Variants in RNF216 observed in about 807,000 individuals in gnomAD.
RNF216 encodes ring finger protein 216.
Under a neutral mutation model 110.8 loss-of-function variants are expected in RNF216, and 72 were observed. That is an observed-to-expected ratio of 0.65 (90% confidence interval 0.54 to 0.79). The LOEUF (loss-of-function observed/expected upper bound fraction) is 0.79. Among genes scored for constraint, RNF216 ranks in the 30% least tolerant of loss-of-function variants. The pLI is 0.00. For synonymous variants in RNF216, 495 were observed against 407.5 expected (o/e 1.21, Z -2.59); for missense variants, 1,342 against 1,141.2 (o/e 1.18, Z -2.54).
rs990844528 is a variant in RNF216, at chr7:5,622,655, T to G, written c.*205A>C. The G allele has an allele frequency of 4.3e-5, 25 of 577,908 alleles. No individual in the cohort carries two copies. The highest frequency in any genetic ancestry group is 2.8e-4 in the African/African-American group (15 of 53,880). The allele number at this position is 577,908 out of a possible 1,614,324, so 35.8% of individuals were successfully genotyped here. A position where few individuals can be genotyped will look rare whatever the true frequency, so the allele number is the denominator to read the frequency against. ...GTTCACATCGCAGCTCTCTCCGAACTCCACCATTTGGGACGTCTTTATTAT... is the reference window on the plus strand; with the variant it reads ...GTTCACATCGCAGCTCTCTCCGAACGCCACCATTTGGGACGTCTTTATTAT... On this transcript the variant is annotated 3_prime_UTR_variant, in exon 17 of 17. Transcript: ENST00000389902.
At chr7:5,713,890 G>A (rs571852509) in intron 11 of RNF216, among the ~76,000 whole-genome samples, 2 of 152,322 alleles carry the variant, frequency 1.3e-5, no homozygotes, top group African/African-American at 4.8e-5. Flanking sequence ...AAGAAACAGT[G>A]GCTTAAGGAA....
chr7:5,659,274 G>C (rs1160352556), intron 13 of RNF216, among the ~76,000 whole-genome samples: 1 of 152,184 alleles, frequency 6.6e-6, no homozygotes, highest in Non-Finnish European at 1.5e-5. Flanking sequence ...GTTAGGCTCA[G>C]TTTCTATCTT....
intron 13 of RNF216, among the ~76,000 whole-genome samples, chr7:5,703,226 C>A (rs897810038): frequency 1.3e-5 from 2 of 152,214 alleles, no homozygotes; most frequent in Non-Finnish European, 2.9e-5. Context: ...CTATTTGGTT[C>A]TTGTCAACGC....
At chr7:5,707,260 T>C (rs889601835) in intron 13 of RNF216, among the ~76,000 whole-genome samples, 22 of 152,254 alleles carry the variant, frequency 1.4e-4, no homozygotes, top group Non-Finnish European at 2.8e-4. Context: ...TGGTTCCATA[T>C]GCATTTTAGG....
intron 1 of RNF216, chr7:5,777,434 G>A (rs1796844781): frequency 6.6e-6 from 1 of 152,228 alleles, no homozygotes; most frequent in African/African-American, 2.4e-5. Flanking sequence ...GCTGCAATGT[G>A]TAAGATGGCA....
chr7:5,641,436 C>A (rs565733024), intron 14 of RNF216, 60 bp from the exon 15 acceptor site: 84 of 1,303,510 alleles, frequency 6.4e-5, no homozygotes, highest in Non-Finnish European at 8.7e-5. Context: ...AAAAATATGG[C>A]CATTAAGCAT....
intron 13 of RNF216, among the ~76,000 whole-genome samples, chr7:5,669,099 GA>G (rs1789728581): frequency 6.6e-6 from 1 of 152,176 alleles, no homozygotes; most frequent in Non-Finnish European, 1.5e-5. Context: ...CCCCTTGGTG[GA>G]AACTATCCCA....
chr7:5,771,381 T>C (rs530493156), intron 1 of RNF216, among the ~76,000 whole-genome samples: 31 of 152,030 alleles, frequency 2.0e-4, no homozygotes, highest in Non-Finnish European at 3.8e-4. Context: ...GTACTATCCA[T>C]AAAAGAAAAA....
At chr7:5,706,146 G>A (rs1260468945) in intron 13 of RNF216, among the ~76,000 whole-genome samples, 1 of 150,196 alleles carries the variant, frequency 6.7e-6, no homozygotes, top group East Asian at 2.0e-4. Context: ...CTTGCACCCG[G>A]AAGGTGGAGG....
chr7:5,721,274 T>G, intron 8 of RNF216, 102 bp from the exon 9 acceptor site: 4 of 1,011,302 alleles, frequency 4.0e-6, no homozygotes, highest in Non-Finnish European at 5.9e-6. Context: ...ACCTTCTCTC[T>G]GATGGTACGT....
At chr7:5,733,843 C>T (rs1794233215) in intron 5 of RNF216, among the ~76,000 whole-genome samples, 1 of 152,032 alleles carries the variant, frequency 6.6e-6, no homozygotes, top group Non-Finnish European at 1.5e-5. Flanking sequence ...TCAGTATTGT[C>T]GAAGAGTTGT....
At chr7:5,655,938 C>T (rs1026274418) in intron 13 of RNF216, among the ~76,000 whole-genome samples, 2 of 151,096 alleles carry the variant, frequency 1.3e-5, no homozygotes, top group South Asian at 2.1e-4. Flanking sequence ...CTTACTGCAA[C>T]CTCCACCTCC....
intron 1 of RNF216, among the ~76,000 whole-genome samples, chr7:5,767,662 G>T (rs1045187903): frequency 1.3e-5 from 2 of 150,840 alleles, no homozygotes; most frequent in Non-Finnish European, 2.9e-5. Context: ...GTAATGGTGC[G>T]ATCTTGGCTC....
At chr7:5,743,267 A>C (rs1358288373) in intron 3 of RNF216, among the ~76,000 whole-genome samples, 4 of 152,124 alleles carry the variant, frequency 2.6e-5, no homozygotes, top group African/African-American at 7.2e-5. Context: ...TCTCAAATAA[A>C]TAAATAAATA....
intron 1 of RNF216, among the ~76,000 whole-genome samples, chr7:5,777,139 C>A (rs1217321669): frequency 1.3e-5 from 2 of 150,922 alleles, no homozygotes; most frequent in Non-Finnish European, 1.5e-5. Context: ...GGCCTTCCAG[C>A]AGTCTTTGAC....
At chr7:5,666,422 A>T (rs1300329745) in intron 13 of RNF216, among the ~76,000 whole-genome samples, 2 of 152,148 alleles carry the variant, frequency 1.3e-5, no homozygotes, top group Non-Finnish European at 2.9e-5. Context: ...CGAGGGAGAG[A>T]GTCTGGTGCT....
chr7:5,721,509 T>C (rs1793424066), intron 8 of RNF216, among the ~76,000 whole-genome samples: 1 of 152,244 alleles, frequency 6.6e-6, no homozygotes, highest in African/African-American at 2.4e-5. Context: ...TTAATCTGAA[T>C]AGCGCTGCTT....
In RNF216 at chr7:5,621,232, T is replaced by C. The variant is rs1786340789; in HGVS notation, c.*1628A>G. The C allele has an allele frequency of 6.6e-6, 1 of 151,592 alleles. No individual in the cohort carries two copies. Among genetic ancestry groups the C allele is most frequent in the Non-Finnish European group, 1.5e-5 (1 of 68,014 alleles). 9.4% of individuals were successfully genotyped at this position (151,592 alleles called of 1,614,324 possible). ...TTTTGTTGCTCAGGCTGGAGTGCAG[T>C]GGCACAATCTTGGCTCACTGCAACC... On this transcript the variant is annotated 3_prime_UTR_variant, in exon 17 of 17. Coordinates refer to ENST00000389902, the MANE Select transcript of RNF216 (RefSeq NM_207111.4).
chr7:5,660,192 A>C (rs1386352272), intron 13 of RNF216, among the ~76,000 whole-genome samples: 1 of 143,796 alleles, frequency 7.0e-6, no homozygotes, highest in African/African-American at 2.6e-5. Context: ...GGCTCAAGCG[A>C]TCTGCCCACC....
Sources: allele counts gnomAD v4.1 joint callset (sites outside exome capture counted in the v4.1 genomes callset), GRCh38; gene constraint gnomAD v4.1.1; transcripts MANE v1.5; gene names NCBI Gene and HGNC (gene_info 2026-07-23, HGNC 2026-07-21).